LANCL1: variants seen among roughly 807,000 people sequenced by gnomAD.
LANCL1 encodes the protein glutathione S-transferase LANCL1.
LANCL1 carries 50 observed loss-of-function variants against 50.6 expected under a neutral mutation model. That is an observed-to-expected ratio of 0.99 (90% CI 0.79 to 1.25). The LOEUF is 1.25. Among genes scored for constraint, LANCL1 ranks in the 50% most tolerant of loss-of-function variants. The pLI is 0.00. For missense variants in LANCL1, 532 were observed against 480.7 expected, an observed-to-expected ratio of 1.11 and a Z score of -1.00; for synonymous variants, 188 against 178.6, an observed-to-expected ratio of 1.05 and a Z score of -0.42.
intron 4 of LANCL1, among the ~76,000 whole-genome samples, chr2:210,443,880 T>G (rs1481874523): frequency 6.6e-6 from 1 of 152,224 alleles, no homozygotes; most frequent in African/African-American, 2.4e-5. Flanking sequence ...AAAATGGTTT[T>G]TCATTGGTGG....
chr2:210,477,545 A>G (rs967329876), upstream of LANCL1: 15 of 1,316,084 alleles, frequency 1.1e-5, no homozygotes, highest in East Asian at 8.3e-5. Flanking sequence ...TCCGGTTTCA[A>G]TGAAGAGTCC....
At chr2:210,436,046 C>T (rs947659284) in intron 8 of LANCL1, among the ~76,000 whole-genome samples, 170 bp downstream of exon 8, 6 of 151,732 alleles carry the variant, frequency 4.0e-5, no homozygotes, top group East Asian at 1.9e-4. Context: ...GGATTATAGG[C>T]GCCTGCCACC....
chr2:210,451,615 C>T (rs1693513685), intron 4 of LANCL1, among the ~76,000 whole-genome samples: 1 of 152,152 alleles, frequency 6.6e-6, no homozygotes, highest in African/African-American at 2.4e-5. Context: ...ATCTGCACAA[C>T]ATTCCTTATC....
chr2:210,455,329 A>AAAG lies in LANCL1; in HGVS notation c.200-16_200-15insCTT. The AAAG allele has an allele frequency of 6.3e-7, 1 of 1,587,952 alleles. No individual in the cohort carries two copies. Among genetic ancestry groups the AAAG allele is most frequent in the South Asian group, 1.1e-5 (1 of 87,450 alleles). ...CACAGCAATACCTGAAAAAAAAAAA[A>AAAG]GGAAACAATGTAAAGATGAGGAAAG... On this transcript the variant is annotated splice_polypyrimidine_tract_variant and intron_variant, in intron 3 of 9. Coordinates refer to ENST00000450366, the MANE Select transcript of LANCL1 (RefSeq NM_006055.3).
At chr2:210,448,720 T>G (rs1424422014) in intron 4 of LANCL1, among the ~76,000 whole-genome samples, 1 of 152,146 alleles carries the variant, frequency 6.6e-6, no homozygotes, top group Non-Finnish European at 1.5e-5. Context: ...GAGAATACTA[T>G]AAACATCTCT....
intron 3 of LANCL1, among the ~76,000 whole-genome samples, chr2:210,461,984 T>C: frequency 6.6e-6 from 1 of 152,372 alleles, no homozygotes; most frequent in South Asian, 2.1e-4. Flanking sequence ...GCTCATTTAA[T>C]CCTTTATAAT....
chr2:210,467,190 G>A (rs1026589902), intron 3 of LANCL1, among the ~76,000 whole-genome samples: 2 of 152,324 alleles, frequency 1.3e-5, no homozygotes, highest in Non-Finnish European at 1.5e-5. Flanking sequence ...TTTCTGACAC[G>A]GATTCGTATA....
rs764230582 is a variant in LANCL1, at chr2:210,441,304, G to A, written c.543+4C>T. 5 of 1,609,212 alleles carry A rather than the reference G, an allele frequency of 3.1e-6. No individual in the cohort carries two copies. The highest frequency in any genetic ancestry group is 4.2e-6 in the Non-Finnish European group (5 of 1,177,978). On this transcript the variant is annotated splice_donor_region_variant and intron_variant, in intron 5 of 9. Transcript: ENST00000450366. ...AGGCTCCTAAAAACACAAAAACGTG[G>A]TACCTGCTGAATATGGCTTTGAGGA...
At chr2:210,443,067 G>A (rs1464831762) in intron 4 of LANCL1, among the ~76,000 whole-genome samples, 1 of 152,140 alleles carries the variant, frequency 6.6e-6, no homozygotes, top group Non-Finnish European at 1.5e-5. Flanking sequence ...CACATCACCT[G>A]GCCCCAGATG....
At chr2:210,450,093 T>A (rs555277540) in intron 4 of LANCL1, among the ~76,000 whole-genome samples, 17 of 152,236 alleles carry the variant, frequency 1.1e-4, no homozygotes, top group African/African-American at 3.9e-4. Context: ...CTTCAAACTA[T>A]ACTACAAGGG....
At chr2:210,451,214 C>A (rs1693501611) in intron 4 of LANCL1, among the ~76,000 whole-genome samples, 1 of 151,772 alleles carries the variant, frequency 6.6e-6, no homozygotes, top group Non-Finnish European at 1.5e-5. Flanking sequence ...TCATTCTCAG[C>A]AAACTAACAC....
In LANCL1 at chr2:210,476,422, A is replaced by G. The variant is rs1157321029; in HGVS notation, c.-16-10T>C. The G allele has an allele frequency of 1.9e-6, 3 of 1,609,932 alleles. No homozygotes were observed. The African/African-American group carries it at 4.0e-5, about 22-fold the overall frequency. ...GACGCCGGAAGCAAGCCTGCAGAAC[A>G]GGGGAAAAACAGAAACTAGGTTGAG... is the stretch of plus-strand genomic sequence containing the variant. On this transcript the variant is annotated splice_polypyrimidine_tract_variant and intron_variant, in intron 1 of 9. Transcript: ENST00000450366.
At chr2:210,477,182 T>TAAC (rs199732738), upstream of LANCL1, among the ~76,000 whole-genome samples, 18 of 152,098 alleles carry the variant, frequency 1.2e-4, no homozygotes, top group East Asian at 1.2e-3. Context: ...CCACCATCAT[T>TAAC]AACAACAACA....
chr2:210,455,650 G>C (rs2042049), intron 3 of LANCL1, among the ~76,000 whole-genome samples: 61,295 of 151,946 alleles, frequency 0.4, 13,822 homozygotes, highest in East Asian at 0.61. Flanking sequence ...TCTTGATGTC[G>C]AAATGATGTG....
intron 4 of LANCL1, among the ~76,000 whole-genome samples, chr2:210,454,203 G>A (rs1373695704): frequency 6.8e-6 from 1 of 146,674 alleles, no homozygotes; most frequent in Non-Finnish European, 1.5e-5. Flanking sequence ...TGGGAGAGAA[G>A]GGAGATATGC....
In LANCL1 at chr2:210,434,111, C is replaced by A. The variant is rs780161035; in HGVS notation, c.*376G>T. On this transcript the variant is annotated 3_prime_UTR_variant, in exon 10 of 10. Transcript: ENST00000450366. Reference sequence around the variant, plus strand: ...GAAGTGTAATACCCAATAATAGTCACATATTTATCTTTATCTGTATTGAGT... The same window carrying A: ...GAAGTGTAATACCCAATAATAGTCAAATATTTATCTTTATCTGTATTGAGT... The A allele has an allele frequency of 5.7e-5, 9 of 157,174 alleles. No homozygotes were observed. Among genetic ancestry groups the A allele is most frequent in the Non-Finnish European group, 9.8e-5 (7 of 71,492 alleles). The allele number at this position is 157,174 out of a possible 1,614,324, so 9.7% of individuals were successfully genotyped here. A position where few individuals can be genotyped will look rare whatever the true frequency, so the allele number is the denominator to read the frequency against.
chr2:210,441,461 T>G lies in LANCL1; in HGVS notation c.408-18A>C, dbSNP rs1254818679. 1 of 1,593,090 alleles carries G rather than the reference T, an allele frequency of 6.3e-7. No individual in the cohort carries two copies. Among genetic ancestry groups the G allele is most frequent in the East Asian group, 2.2e-5 (1 of 44,590 alleles). Reference sequence around the variant, plus strand: ...GAATTAGCCTAAAAATAAAAATACATGCCCCAAATAATTTGAAAGGAACCA... The same window carrying G: ...GAATTAGCCTAAAAATAAAAATACAGGCCCCAAATAATTTGAAAGGAACCA... On this transcript the variant is annotated intron_variant, in intron 4 of 9. Coordinates refer to ENST00000450366, the MANE Select transcript of LANCL1 (RefSeq NM_006055.3).
At chr2:210,448,295 G>A (rs928922530) in intron 4 of LANCL1, among the ~76,000 whole-genome samples, 1 of 152,106 alleles carries the variant, frequency 6.6e-6, no homozygotes, top group Admixed American at 6.5e-5. Flanking sequence ...TAAGTTCTTT[G>A]AAACCAATGA....
chr2:210,444,814 T>G (rs1252034549), intron 4 of LANCL1, among the ~76,000 whole-genome samples: 2 of 152,162 alleles, frequency 1.3e-5, no homozygotes, highest in Non-Finnish European at 2.9e-5. Context: ...GATAGAATTA[T>G]GGGCCATTTT....
Sources: allele counts gnomAD v4.1 joint callset (sites outside exome capture counted in the v4.1 genomes callset), GRCh38; gene constraint gnomAD v4.1.1; transcripts MANE v1.5; gene names NCBI Gene and HGNC (gene_info 2026-07-23, HGNC 2026-07-21).